The following CTNND2 variants were observed in gnomAD, a reference collection of about 807,000 sequenced individuals.
The protein encoded by CTNND2 is catenin delta-2.
In CTNND2, 22 loss-of-function variants were observed where a neutral mutation model predicts 144.4. The ratio of observed to expected loss-of-function variants is 0.15; its 90% CI spans 0.11 to 0.22. The LOEUF (loss-of-function observed/expected upper bound fraction) is 0.22. Ranked by LOEUF, CTNND2 falls within the 10% of genes least tolerant of loss-of-function variation. CTNND2 has a pLI of 1.00. For synonymous variants in CTNND2, 751 were observed against 695.6 expected, an observed-to-expected ratio of 1.08 and a Z score of -1.25; for missense variants, 1,353 against 1,618.8, an observed-to-expected ratio of 0.84 and a Z score of 2.82.
At chr5:11,716,456 C>A in intron 2 of CTNND2, among the ~76,000 whole-genome samples, 1 of 152,092 alleles carries the variant, frequency 6.6e-6, no homozygotes, top group East Asian at 1.9e-4. Context: ...TGGTTAAACT[C>A]TTTTAAAATT....
chr5:11,394,360 A>C (rs1203735226), intron 6 of CTNND2, among the ~76,000 whole-genome samples: 5 of 152,208 alleles, frequency 3.3e-5, no homozygotes, highest in Non-Finnish European at 7.3e-5. Flanking sequence ...AATGCATCAA[A>C]GAATAACCTA....
At chr5:11,671,498 C>T (rs540474919) in intron 2 of CTNND2, among the ~76,000 whole-genome samples, 2 of 151,786 alleles carry the variant, frequency 1.3e-5, no homozygotes, top group African/African-American at 4.8e-5. Flanking sequence ...TTTCTCTAAT[C>T]TTGTCTTCTC....
intron 16 of CTNND2, among the ~76,000 whole-genome samples, chr5:11,044,804 C>T (rs1344002115): frequency 1.3e-5 from 2 of 152,172 alleles, no homozygotes; most frequent in Non-Finnish European, 2.9e-5. Context: ...AGCACAGGAT[C>T]AGCTGGTGGT....
At chr5:11,207,178 T>C (rs760558200) in intron 10 of CTNND2, among the ~76,000 whole-genome samples, 13 of 151,736 alleles carry the variant, frequency 8.6e-5, no homozygotes, top group African/African-American at 2.7e-4. Flanking sequence ...TAAGTGGGAG[T>C]TGAACGATGA....
intron 16 of CTNND2, among the ~76,000 whole-genome samples, chr5:11,079,735 C>G (rs1749347696): frequency 6.6e-6 from 1 of 152,148 alleles, no homozygotes. Context: ...TCCAACCACC[C>G]CTATCTTGAC....
chr5:11,128,718 TGCC>T (rs1754936756), intron 12 of CTNND2, among the ~76,000 whole-genome samples: 1 of 91,754 alleles, frequency 1.1e-5, no homozygotes, highest in Non-Finnish European at 1.9e-5. Context: ...AAGACCAAAA[TGCC>T]ATATATATAA....
intron 1 of CTNND2, among the ~76,000 whole-genome samples, chr5:11,835,979 G>A (rs1794155534): frequency 6.6e-6 from 1 of 151,982 alleles, no homozygotes; most frequent in African/African-American, 2.4e-5. Context: ...TTTCAGCACT[G>A]CTCTGCTTAT....
intron 5 of CTNND2, among the ~76,000 whole-genome samples, chr5:11,405,590 G>A (rs7715442): frequency 0.18 from 27,972 of 151,308 alleles, 5,222 homozygotes; most frequent in African/African-American, 0.49. Flanking sequence ...AAAAAAAAAA[G>A]AGAGAGAAAT....
intron 2 of CTNND2, among the ~76,000 whole-genome samples, chr5:11,659,242 T>C (rs771225276): frequency 4.6e-5 from 7 of 152,148 alleles, no homozygotes; most frequent in South Asian, 2.1e-4. Context: ...ATAGAGATGA[T>C]CTGATGTATA....
intron 8 of CTNND2, among the ~76,000 whole-genome samples, chr5:11,353,647 A>G (rs1225892803): frequency 6.6e-6 from 1 of 152,112 alleles, no homozygotes; most frequent in African/African-American, 2.4e-5. Flanking sequence ...TACTAAAAAT[A>G]CAAAAATTAG....
chr5:11,264,682 C>A (rs1222995903), intron 9 of CTNND2, among the ~76,000 whole-genome samples: 1 of 152,112 alleles, frequency 6.6e-6, no homozygotes. Context: ...ATAATACCAG[C>A]ACTTTGGGAG....
intron 3 of CTNND2, among the ~76,000 whole-genome samples, chr5:11,552,698 C>T (rs533847883): frequency 5.9e-5 from 9 of 152,302 alleles, no homozygotes; most frequent in East Asian, 1.9e-4. Context: ...GCTATACCCC[C>T]CTTCCTTTTC....
At chr5:11,882,618 G>A (rs10056656) in intron 1 of CTNND2, among the ~76,000 whole-genome samples, 144,684 of 152,120 alleles carry the variant, frequency 0.95, 69,050 homozygotes, top group East Asian at 1. Context: ...TTAACCAGAA[G>A]TACATGGATT....
At chr5:11,888,522 T>C (rs1355408179) in intron 1 of CTNND2, among the ~76,000 whole-genome samples, 1 of 152,182 alleles carries the variant, frequency 6.6e-6, no homozygotes, top group Non-Finnish European at 1.5e-5. Flanking sequence ...CAATCTCTTA[T>C]TTGTCAAGCC....
rs79960978 is a variant in CTNND2 at position 11,689,740 on chromosome 5, C to T, written c.174+42396G>A. On this transcript the variant is annotated intron_variant, in intron 2 of 21. Transcript: ENST00000304623. ...AGAAGCAAAAGTGGTGAGACAGTAT[C>T]TTCATAAAAAAAAAGGGATCAATTA... Among the ~76,000 whole-genome samples, 435 of 144,124 alleles carry T rather than the reference C, an allele frequency of 3.0e-3. 2 individuals carry two copies. The highest frequency in any genetic ancestry group is 0.012 in the African/African-American group (395 of 33,796). 94.6% of individuals were successfully genotyped at this position (144,124 alleles called of 152,430 possible).
chr5:11,384,589 G>C lies in CTNND2; in HGVS notation c.1177+76C>G. ...AGACAGCGCGCCCGGCTTCGCTTCT[G>C]CTCAAGCCGGGCTGCTGCTTCCGCG... On this transcript the variant is annotated intron_variant, in intron 7 of 21. Coordinates refer to ENST00000304623, the MANE Select transcript of CTNND2 (RefSeq NM_001332.4). This position sits in a 1 kb window ranked among gnomAD's most constrained non-coding sequence, Gnocchi z 5.2. The C allele has an allele frequency of 7.1e-7, 1 of 1,414,940 alleles. No homozygotes were observed. Among genetic ancestry groups the C allele is most frequent in the South Asian group, 1.3e-5 (1 of 77,250 alleles). The allele number at this position is 1,414,940 out of a possible 1,614,324, so 87.6% of individuals were successfully genotyped here.
intron 17 of CTNND2, among the ~76,000 whole-genome samples, chr5:11,021,608 A>G (rs540783083): frequency 2.9e-4 from 44 of 152,302 alleles, no homozygotes; most frequent in African/African-American, 1.1e-3. Flanking sequence ...ATATGAGAAA[A>G]CATTCAAATC....
At chr5:11,819,243 G>T (rs1174966396) in intron 1 of CTNND2, among the ~76,000 whole-genome samples, 1 of 152,080 alleles carries the variant, frequency 6.6e-6, no homozygotes, top group Non-Finnish European at 1.5e-5. Flanking sequence ...AGACCAGCCT[G>T]GCCAACGTGG....
chr5:10,975,379 C>G (rs1431290374), intron 21 of CTNND2, among the ~76,000 whole-genome samples: 1 of 152,184 alleles, frequency 6.6e-6, no homozygotes, highest in Non-Finnish European at 1.5e-5. Flanking sequence ...CTCCAGTAGT[C>G]ATAAATATTT....
Sources: allele counts gnomAD v4.1 joint callset (sites outside exome capture counted in the v4.1 genomes callset), GRCh38; gene constraint gnomAD v4.1.1; non-coding constraint Gnocchi (gnomAD v3.1); transcripts MANE v1.5; gene names NCBI Gene and HGNC (gene_info 2026-07-23, HGNC 2026-07-21).